HTR3B: variants seen among roughly 807,000 people sequenced by gnomAD.
HTR3B encodes the protein 5-hydroxytryptamine receptor 3B, also known as 5-hydroxytryptamine (serotonin) receptor 3B, ionotropic.
HTR3B carries 44 observed loss-of-function variants against 42.8 expected under a neutral mutation model. That is an observed-to-expected ratio of 1.03 (90% CI 0.81 to 1.32). HTR3B has a LOEUF of 1.32. Among genes scored for constraint, HTR3B ranks in the 40% most tolerant of loss-of-function variants. The probability of loss-of-function intolerance (pLI) is 0.00; values close to 1 mark genes in which losing one functional copy is unlikely to be tolerated. For missense variants in HTR3B, 527 were observed against 536.5 expected (o/e 0.98, Z 0.17); for synonymous variants, 203 against 209.0 (o/e 0.97, Z 0.25).
In HTR3B at chr11:113,934,445, AAAAG is replaced by A. The variant is rs959879789; in HGVS notation, c.696+1359_696+1362del. 2.2e-4 allele frequency among the ~76,000 whole-genome samples: 33 copies of A among 151,506 alleles called. 1 individual carries two copies. The highest frequency in any genetic ancestry group is 1.3e-4 in the Non-Finnish European group (9 of 67,930). On this transcript the variant is annotated intron_variant, in intron 6 of 8. Coordinates refer to ENST00000260191, the MANE Select transcript of HTR3B (RefSeq NM_006028.5). The stretch of plus-strand genomic sequence containing the variant: ...AAGAAAGAAGGAAAGAAAGAAAGAA[AAAAG>A]AAAGAAGGAAAGAAAGAAAGAAAAA...
intron 6 of HTR3B, among the ~76,000 whole-genome samples, chr11:113,942,686 A>G (rs1950145195): frequency 6.6e-6 from 1 of 152,212 alleles, no homozygotes; most frequent in Non-Finnish European, 1.5e-5. Flanking sequence ...AGTTAAGTTT[A>G]TGAGCCACTG....
chr11:113,904,831 G>C lies in HTR3B; in HGVS notation c.-103G>C. 1.4e-6 allele frequency: 1 copy of C among 697,122 alleles called. No individual in the cohort carries two copies. Among genetic ancestry groups the C allele is most frequent in the Non-Finnish European group, 2.4e-6 (1 of 413,102 alleles). 43.2% of individuals were successfully genotyped at this position (697,122 alleles called of 1,614,324 possible). ...AGGATAGCATCAACTGGCAAACGGA[G>C]AAGGAGGAGAACAGAGTGGAGAGGA... On this transcript the variant is annotated 5_prime_UTR_variant, in exon 1 of 9. Coordinates refer to ENST00000260191, the MANE Select transcript of HTR3B (RefSeq NM_006028.5).
chr11:113,931,218 G>A lies in HTR3B; in HGVS notation c.214-166G>A, dbSNP rs568053294. Among the ~76,000 whole-genome samples, 4 of 147,938 alleles carry A rather than the reference G, an allele frequency of 2.7e-5. No individual in the cohort carries two copies. In the East Asian group the frequency reaches 7.7e-4, roughly 29 times the overall value. On this transcript the variant is annotated intron_variant, in intron 2 of 8. Coordinates refer to ENST00000260191, the MANE Select transcript of HTR3B (RefSeq NM_006028.5). ...TCATAGCGACAGGTGTGCATAATAA[G>A]TAAGAACTGAGAATGCCTAGGTATT...
At chr11:113,899,760 ATCGG>A in the HTR3B span, among the ~76,000 whole-genome samples, 2 of 152,210 alleles carry the variant, frequency 1.3e-5, no homozygotes, top group Admixed American at 6.5e-5. Flanking sequence ...TCCAAAAGAC[ATCGG>A]TCGATCTAAT....
intron 2 of HTR3B, among the ~76,000 whole-genome samples, chr11:113,919,893 T>C (rs1374475440): frequency 6.6e-6 from 1 of 152,096 alleles, no homozygotes; most frequent in Non-Finnish European, 1.5e-5. Flanking sequence ...TTAAATTTTT[T>C]TTCCTTTTTA....
At chr11:113,925,424 T>G (rs1160475303) in intron 2 of HTR3B, among the ~76,000 whole-genome samples, 8 of 127,412 alleles carry the variant, frequency 6.3e-5, no homozygotes, top group Admixed American at 2.0e-4. Context: ...TTTGTTTTTT[T>G]TTTTTTTTTT....
At chr11:113,931,507 G>A (rs1354677444) in intron 3 of HTR3B, 79 bp downstream of exon 3, 4 of 895,230 alleles carry the variant, frequency 4.5e-6, no homozygotes, top group Non-Finnish European at 7.1e-6. Flanking sequence ...TTAAGAAATA[G>A]GTATTATCTT....
chr11:113,903,934 A>G (rs1949714347), upstream of HTR3B, among the ~76,000 whole-genome samples: 1 of 152,188 alleles, frequency 6.6e-6, no homozygotes, highest in Non-Finnish European at 1.5e-5. Flanking sequence ...ATTCTAAACA[A>G]AGGGACTGAG....
chr11:113,914,517 C>G (rs1949832749), intron 2 of HTR3B, among the ~76,000 whole-genome samples: 1 of 151,786 alleles, frequency 6.6e-6, no homozygotes, highest in Admixed American at 6.6e-5. Context: ...CAGTCTTGCT[C>G]TGTTGCCCAG....
chr11:113,926,714 G>A (rs974513839), intron 2 of HTR3B, among the ~76,000 whole-genome samples: 1 of 151,948 alleles, frequency 6.6e-6, no homozygotes, highest in African/African-American at 2.4e-5. Flanking sequence ...TTTTAGTAGA[G>A]ACAAGGGTTT....
upstream of HTR3B, among the ~76,000 whole-genome samples, chr11:113,901,587 C>T (rs1949698248): frequency 6.6e-6 from 1 of 152,188 alleles, no homozygotes; most frequent in South Asian, 2.1e-4. Flanking sequence ...ATATAAACTA[C>T]TTTGAAGACA....
rs571071454 is a variant in HTR3B at position 113,909,134 on chromosome 11, A to G, written c.53-161A>G. The stretch of plus-strand genomic sequence containing the variant: ...CTTAGGCCATCAGCTTACTTTAAGC[A>G]TTTGCCAAAGGCCCCACCAGCTGGC... On this transcript the variant is annotated intron_variant, in intron 1 of 8. Transcript: ENST00000260191. 7.4e-5 allele frequency: 47 copies of G among 639,214 alleles called. No homozygotes were observed. The African/African-American group carries it at 7.7e-4, about 10-fold the overall frequency. 39.6% of individuals were successfully genotyped at this position (639,214 alleles called of 1,614,324 possible).
Position 113,932,228 on chromosome 11 carries a change from CTA to C in HTR3B, c.369-59_369-58del, listed in dbSNP as rs1475710847. The C allele has an allele frequency of 1.3e-5, 18 of 1,377,168 alleles. No homozygotes were observed. The Admixed American group carries it at 2.9e-4, about 22-fold the overall frequency. The allele number at this position is 1,377,168 out of a possible 1,614,324, so 85.3% of individuals were successfully genotyped here. On this transcript the variant is annotated intron_variant, in intron 4 of 8. Transcript: ENST00000260191. ...TGGTCACTACCATCTCCTAATCAGC[CTA>C]TGTTTTGAAATGACCAACATCCTCT...
chr11:113,927,209 G>A (rs945927327), intron 2 of HTR3B, among the ~76,000 whole-genome samples: 6 of 152,114 alleles, frequency 3.9e-5, no homozygotes, highest in African/African-American at 1.2e-4. Flanking sequence ...TACCATCACC[G>A]TGATTCAGTC....
rs919220634 is a variant in HTR3B, at chr11:113,946,285, G to A, written c.*148G>A. ...GGAGGCCATAGCAGGAGGATTGCTT[G>A]AGCCCAGGAGTTCGAGACCAGCCAG... is the stretch of plus-strand genomic sequence containing the variant. On this transcript the variant is annotated 3_prime_UTR_variant, in exon 9 of 9. Coordinates refer to ENST00000260191, the MANE Select transcript of HTR3B (RefSeq NM_006028.5). 27 of 632,108 alleles carry A rather than the reference G, an allele frequency of 4.3e-5. No individual in the cohort carries two copies. In the South Asian group the frequency reaches 4.6e-4, roughly 11 times the overall value. 39.2% of individuals were successfully genotyped at this position (632,108 alleles called of 1,614,324 possible).
intron 2 of HTR3B, among the ~76,000 whole-genome samples, chr11:113,926,076 T>C (rs1284403038): frequency 6.6e-6 from 1 of 152,208 alleles, no homozygotes; most frequent in Non-Finnish European, 1.5e-5. Context: ...TTTGTTTCTA[T>C]AGATTTGCCT....
intron 6 of HTR3B, among the ~76,000 whole-genome samples, chr11:113,936,744 C>T (rs1229561544): frequency 6.6e-6 from 1 of 152,144 alleles, no homozygotes; most frequent in Non-Finnish European, 1.5e-5. Flanking sequence ...CTGGGAGGGG[C>T]TTTGGAGAGG....
In HTR3B at chr11:113,947,025, C is replaced by T. The variant is rs954457293; in HGVS notation, c.*888C>T. 6.6e-6 allele frequency among the ~76,000 whole-genome samples: 1 copy of T among 152,182 alleles called. No homozygotes were observed. Among genetic ancestry groups the T allele is most frequent in the African/African-American group, 2.4e-5 (1 of 41,452 alleles). Reference sequence around the variant, plus strand: ...CTTCTGAGGCTCTTGTTACCACTTCCCAGCTAAGTCCACTGCCTCCACCCT... The same window carrying T: ...CTTCTGAGGCTCTTGTTACCACTTCTCAGCTAAGTCCACTGCCTCCACCCT... On this transcript the variant is annotated 3_prime_UTR_variant, in exon 9 of 9. Transcript: ENST00000260191.
At chr11:113,931,213 A>G (rs1287872106) in intron 2 of HTR3B, among the ~76,000 whole-genome samples, 171 bp from the exon 3 acceptor site, 3 of 148,652 alleles carry the variant, frequency 2.0e-5, no homozygotes, top group South Asian at 4.3e-4. Flanking sequence ...AGGTGTGCAT[A>G]ATAAGTAAGA....
Sources: gnomAD v4.1 joint callset for allele counts (sites outside exome capture counted in the v4.1 genomes callset) on GRCh38, gnomAD v4.1.1 for gene constraint, MANE v1.5 for transcripts, NCBI Gene and HGNC (gene_info 2026-07-23, HGNC 2026-07-21) for gene names.